Variants in TTBK2 observed in about 807,000 individuals in gnomAD.
TTBK2 encodes tau-tubulin kinase 2.
A neutral mutation model predicts 110.8 loss-of-function variants in TTBK2; 28 were observed. The observed-to-expected ratio is 0.25, with a 90% CI of 0.19 to 0.35. The LOEUF (loss-of-function observed/expected upper bound fraction) is 0.35. Ranked by LOEUF, TTBK2 falls within the 10% of genes least tolerant of loss-of-function variation. The probability of loss-of-function intolerance (pLI) is 1.00; values close to 1 mark genes in which losing one functional copy is unlikely to be tolerated. For synonymous variants in TTBK2, 532 were observed against 527.3 expected, an observed-to-expected ratio of 1.01 and a Z score of -0.12; for missense variants, 1,369 against 1,500.3, an observed-to-expected ratio of 0.91 and a Z score of 1.45.
intron 11 of TTBK2, among the ~76,000 whole-genome samples, chr15:42,780,986 A>G (rs938174104): frequency 1.3e-5 from 2 of 152,076 alleles, no homozygotes; most frequent in African/African-American, 4.8e-5. Flanking sequence ...CACAAATACA[A>G]TAATAATTCT....
Position 42,742,531 on chromosome 15 carries a change from G to C in TTBK2, c.*3264C>G, listed in dbSNP as rs962584871. On this transcript the variant is annotated 3_prime_UTR_variant, in exon 15 of 15. Coordinates refer to ENST00000267890, the MANE Select transcript of TTBK2 (RefSeq NM_173500.4). ...ATTTCAACCAATCCATAGACCCTGA[G>C]GATTTGGCAGCAGAATTCAGGAGAA... 2.0e-5 allele frequency: 3 copies of C among 152,184 alleles called. No homozygotes were observed. Among genetic ancestry groups the C allele is most frequent in the African/African-American group, 7.2e-5 (3 of 41,446 alleles). The allele number at this position is 152,184 out of a possible 1,614,324, so 9.4% of individuals were successfully genotyped here. A position where few individuals can be genotyped will look rare whatever the true frequency, so the allele number is the denominator to read the frequency against.
At chr15:42,753,352 A>G in intron 13 of TTBK2, 105 bp from the exon 14 acceptor site, 2 of 1,250,622 alleles carry the variant, frequency 1.6e-6, no homozygotes, top group Non-Finnish European at 2.2e-6. Flanking sequence ...GGAAGAACAC[A>G]GATGTTGACC....
intron 10 of TTBK2, among the ~76,000 whole-genome samples, chr15:42,790,559 T>A (rs1890616222): frequency 6.6e-6 from 1 of 152,226 alleles, no homozygotes; most frequent in African/African-American, 2.4e-5. Flanking sequence ...GTGCTGGAAT[T>A]ACAGGCATGA....
At chr15:42,912,333 T>A (rs1248887457) in intron 1 of TTBK2, among the ~76,000 whole-genome samples, 1 of 152,182 alleles carries the variant, frequency 6.6e-6, no homozygotes, top group Non-Finnish European at 1.5e-5. Context: ...CAGGCTAAAG[T>A]AATAAACTCC....
At chr15:42,866,112 G>A (rs1190123169) in intron 3 of TTBK2, among the ~76,000 whole-genome samples, 1 of 152,068 alleles carries the variant, frequency 6.6e-6, no homozygotes, top group Non-Finnish European at 1.5e-5. Context: ...TGACAGAGCA[G>A]GCTGTATGTC....
rs932682917 is a variant in TTBK2, at chr15:42,858,031, C to T, written c.217+14580G>A. Among the ~76,000 whole-genome samples, 6 of 151,800 alleles carry T rather than the reference C, an allele frequency of 4.0e-5. No homozygotes were observed. In the East Asian group the frequency reaches 1.2e-3, roughly 29 times the overall value. On this transcript the variant is annotated intron_variant, in intron 3 of 14. Transcript: ENST00000267890. ...CTGGGAGGTGGAGGCAGCAGTGAGCCGAGCTCACAGTCCAGCGACAGAGCA... is the reference window on the plus strand; with the variant it reads ...CTGGGAGGTGGAGGCAGCAGTGAGCTGAGCTCACAGTCCAGCGACAGAGCA...
At chr15:42,874,336 G>A (rs868407064) in intron 2 of TTBK2, among the ~76,000 whole-genome samples, 2 of 149,454 alleles carry the variant, frequency 1.3e-5, no homozygotes, top group African/African-American at 5.0e-5. Flanking sequence ...TATTTTTTGA[G>A]TTGGTAGTCT....
rs1310679195 is a variant in TTBK2, at chr15:42,815,914, ATATATATATATTT to A, written c.603+1105_603+1117del. ...TAAAAATATATATATATATTTAAAA[ATATATATATATTT>A]AAAAATATATATATATATATTTAAA... On this transcript the variant is annotated intron_variant, in intron 7 of 14. Transcript: ENST00000267890. 2.1e-3 allele frequency among the ~76,000 whole-genome samples: 214 copies of A among 101,368 alleles called. 2 individuals carry two copies. The highest frequency in any genetic ancestry group is 0.01 in the African/African-American group (201 of 19,184). 66.5% of individuals were successfully genotyped at this position (101,368 alleles called of 152,430 possible). A position where few individuals can be genotyped will look rare whatever the true frequency, so the allele number is the denominator to read the frequency against.
chr15:42,745,717 C>T lies in TTBK2; in HGVS notation c.*78G>A, dbSNP rs1595870807. ...GAGAAGATCAACACTGATTTTTTTA[C>T]ATAGAAAGTACAGGGACACACATGC... is the stretch of plus-strand genomic sequence containing the variant. On this transcript the variant is annotated 3_prime_UTR_variant, in exon 15 of 15. Transcript: ENST00000267890. 2 of 1,532,416 alleles carry T rather than the reference C, an allele frequency of 1.3e-6. No homozygotes were observed. Among genetic ancestry groups the T allele is most frequent in the East Asian group, 4.5e-5 (2 of 44,428 alleles). 94.9% of individuals were successfully genotyped at this position (1,532,416 alleles called of 1,614,324 possible). A position where few individuals can be genotyped will look rare whatever the true frequency, so the allele number is the denominator to read the frequency against.
At chr15:42,861,537 G>A (rs1807329267) in intron 3 of TTBK2, among the ~76,000 whole-genome samples, 1 of 152,048 alleles carries the variant, frequency 6.6e-6, no homozygotes, top group Non-Finnish European at 1.5e-5. Flanking sequence ...AAAAATCATT[G>A]AAATTAATAA....
chr15:42,865,773 T>G (rs1317400203), intron 3 of TTBK2, among the ~76,000 whole-genome samples: 2 of 152,044 alleles, frequency 1.3e-5, no homozygotes. Context: ...CAGTTAGCTA[T>G]GATCACACCG....
chr15:42,853,140 G>GGTGCAGTTCCTCTCCTATAACAGTAA, intron 3 of TTBK2, among the ~76,000 whole-genome samples: 1 of 152,256 alleles, frequency 6.6e-6, no homozygotes, highest in South Asian at 2.1e-4. Context: ...AGGCAGAACA[G>GGTGCAGTTCCTCTCCTATAACAGTAA]GTGCAGTTCC....
chr15:42,824,786 G>C (rs1270614229), intron 6 of TTBK2, among the ~76,000 whole-genome samples: 1 of 152,060 alleles, frequency 6.6e-6, no homozygotes, highest in Non-Finnish European at 1.5e-5. Context: ...GTAACCAGGT[G>C]ATGAAATACT....
chr15:42,775,019 G>C (rs2140753621), intron 13 of TTBK2, 116 bp downstream of exon 13: 1 of 1,076,754 alleles, frequency 9.3e-7, no homozygotes, highest in Non-Finnish European at 1.4e-6. Flanking sequence ...TCACTCCCTG[G>C]GCCATCTGCA....
intron 9 of TTBK2, chr15:42,800,286 G>T (rs1325595709): frequency 6.8e-6 from 3 of 438,568 alleles, no homozygotes; most frequent in Non-Finnish European, 1.4e-5. Flanking sequence ...ATACCTATAT[G>T]CAGCCTACAT....
chr15:42,777,134 C>G lies in TTBK2; in HGVS notation c.1306G>C (p.Asp436His), dbSNP rs1889961152. The G allele has an allele frequency of 1.9e-6, 3 of 1,614,236 alleles. No homozygotes were observed. The highest frequency in any genetic ancestry group is 2.5e-6 in the Non-Finnish European group (3 of 1,180,050). ...VRSEITQPDR[D>H]IPLVRKLRSI... is the part of the protein sequence containing the mutation. ...CGTAACTTTCGCACCAGTGGAATAT[C>G]TCTGTCTGGCTGAGTAATCTCTGAG... The change falls in exon 12 of 15, where the codon GAT (aspartate) becomes CAT (histidine). Residue 436 changes from aspartate (D) to histidine (H), a missense_variant. Around this residue, in one of 4 missense-constraint regions of TTBK2, gnomAD observed 1,097 missense variants for 1,114.7 expected, o/e 0.98. Coordinates refer to ENST00000267890, the MANE Select transcript of TTBK2 (RefSeq NM_173500.4).
intron 1 of TTBK2, among the ~76,000 whole-genome samples, chr15:42,893,485 C>T (rs1050979109): frequency 2.6e-5 from 4 of 151,856 alleles, no homozygotes; most frequent in East Asian, 1.9e-4. Flanking sequence ...GACAGAGATG[C>T]TGTCTCTTAA....
At chr15:42,909,831 T>G (rs926358068) in intron 1 of TTBK2, among the ~76,000 whole-genome samples, 1 of 152,084 alleles carries the variant, frequency 6.6e-6, no homozygotes, top group Non-Finnish European at 1.5e-5. Flanking sequence ...AAAATATTAT[T>G]ATCACAAATA....
intron 13 of TTBK2, among the ~76,000 whole-genome samples, chr15:42,767,916 G>C (rs765924641): frequency 6.6e-6 from 1 of 152,154 alleles, no homozygotes; most frequent in African/African-American, 2.4e-5. Flanking sequence ...TATCCACCAC[G>C]ATTAAGTTGG....
Sources: allele counts gnomAD v4.1 joint callset (sites outside exome capture counted in the v4.1 genomes callset), GRCh38; gene constraint gnomAD v4.1.1; regional missense constraint gnomAD v4.1.1; transcripts MANE v1.5; gene names NCBI Gene and HGNC (gene_info 2026-07-23, HGNC 2026-07-21).